NTRK3: variants seen among roughly 807,000 people sequenced by gnomAD.
The protein encoded by NTRK3 is neurotrophic receptor tyrosine kinase 3.
In NTRK3, 24 loss-of-function variants were observed where a neutral mutation model predicts 91.7. The observed-to-expected ratio is 0.26, with a 90% CI of 0.19 to 0.37. The LOEUF is 0.37. Among genes scored for constraint, NTRK3 ranks in the 10% least tolerant of loss-of-function variants. The pLI, the probability that NTRK3 is intolerant of heterozygous loss-of-function variation, is 1.00. For missense variants in NTRK3, 880 were observed against 1,068.9 expected, an observed-to-expected ratio of 0.82 and a Z score of 2.46; for synonymous variants, 483 against 404.0, an observed-to-expected ratio of 1.20 and a Z score of -2.34.
chr15:87,893,504 C>T (rs1414896595), intron 17 of NTRK3, among the ~76,000 whole-genome samples: 1 of 152,208 alleles, frequency 6.6e-6, no homozygotes, highest in Admixed American at 6.5e-5. Context: ...CACAGCTGTC[C>T]CTCCTCTTCT....
chr15:88,161,152 C>A (rs928065664), intron 5 of NTRK3, among the ~76,000 whole-genome samples: 3 of 152,192 alleles, frequency 2.0e-5, no homozygotes, highest in South Asian at 4.1e-4. Flanking sequence ...TCTTGGCCAG[C>A]TATCTTTAAG....
chr15:88,251,197 G>T (rs981743999), intron 3 of NTRK3, among the ~76,000 whole-genome samples: 1 of 152,228 alleles, frequency 6.6e-6, no homozygotes, highest in Non-Finnish European at 1.5e-5. Context: ...AGGAAGAGGA[G>T]AATAACCACT....
chr15:88,091,984 TA>T (rs2049058989), intron 13 of NTRK3, among the ~76,000 whole-genome samples: 1 of 152,232 alleles, frequency 6.6e-6, no homozygotes, highest in Admixed American at 6.5e-5. Flanking sequence ...GGCAGCATTT[TA>T]ATATTGGTAA....
At chr15:87,987,844 T>C (rs557883797) in intron 14 of NTRK3, among the ~76,000 whole-genome samples, 27 of 151,828 alleles carry the variant, frequency 1.8e-4, no homozygotes, top group Admixed American at 1.4e-3. Flanking sequence ...GACACTGCAC[T>C]CCAGCCTGGG....
chr15:87,934,047 T>C (rs1194724252), intron 15 of NTRK3, among the ~76,000 whole-genome samples: 2 of 152,192 alleles, frequency 1.3e-5, no homozygotes, highest in African/African-American at 4.8e-5. Context: ...CATGTGGATT[T>C]CCCAGCACCA....
chr15:88,108,358 A>G (rs2050941463), intron 13 of NTRK3, among the ~76,000 whole-genome samples: 1 of 152,210 alleles, frequency 6.6e-6, no homozygotes, highest in South Asian at 2.1e-4. Context: ...GACACACAGC[A>G]CAAAAGGAAG....
intron 13 of NTRK3, among the ~76,000 whole-genome samples, chr15:88,040,399 G>A (rs992071242): frequency 6.6e-6 from 1 of 152,132 alleles, no homozygotes. Context: ...GGTGACTCCA[G>A]GGAAAGTTCT....
intron 13 of NTRK3, among the ~76,000 whole-genome samples, chr15:88,120,772 T>A (rs1567456628): frequency 6.6e-6 from 1 of 152,222 alleles, no homozygotes; most frequent in Non-Finnish European, 1.5e-5. Context: ...GTATTCATAA[T>A]CCAGCTTCAT....
chr15:88,144,815 G>C (rs2042734748), intron 6 of NTRK3, among the ~76,000 whole-genome samples: 1 of 152,144 alleles, frequency 6.6e-6, no homozygotes. Context: ...TACTGGAAAA[G>C]TCATGGACAC....
chr15:88,024,319 G>A (rs2077841285), intron 14 of NTRK3, among the ~76,000 whole-genome samples: 1 of 152,210 alleles, frequency 6.6e-6, no homozygotes, highest in Non-Finnish European at 1.5e-5. Flanking sequence ...AGTTTTCCTA[G>A]GGAAAGAGAG....
chr15:87,907,366 GT>G (rs563079034), intron 17 of NTRK3, among the ~76,000 whole-genome samples: 67 of 152,228 alleles, frequency 4.4e-4, no homozygotes, highest in African/African-American at 1.5e-3. Context: ...CTTTCATGCT[GT>G]TATTAGGAGC....
At chr15:88,188,387 G>A (rs1428990075) in intron 3 of NTRK3, among the ~76,000 whole-genome samples, 2 of 152,140 alleles carry the variant, frequency 1.3e-5, no homozygotes, top group Non-Finnish European at 2.9e-5. Flanking sequence ...GTCACAGCTG[G>A]GGAAAGAGAG....
chr15:87,979,277 G>A (rs1446699849), intron 14 of NTRK3: 1 of 1,139,966 alleles, frequency 8.8e-7, no homozygotes, highest in Admixed American at 1.7e-5. Flanking sequence ...AATGCCTAGA[G>A]CTTCCAACCT....
At chr15:88,010,091 G>A (rs763881277) in intron 14 of NTRK3, among the ~76,000 whole-genome samples, 5 of 152,044 alleles carry the variant, frequency 3.3e-5, no homozygotes, top group Non-Finnish European at 7.4e-5. Flanking sequence ...CTGTTCTCTG[G>A]CCTGTTTTGG....
At chr15:87,940,574 G>A (rs2142016162) in intron 15 of NTRK3, 49 bp downstream of exon 15, 1 of 1,612,276 alleles carries the variant, frequency 6.2e-7, no homozygotes. Flanking sequence ...TCCCTCCCTG[G>A]GCCCTCAGCC....
intron 13 of NTRK3, chr15:88,098,469 T>A: frequency 4.9e-6 from 1 of 205,348 alleles, no homozygotes; most frequent in Non-Finnish European, 1.0e-5. Context: ...GCCTCGCGCA[T>A]GAGACATTAA....
intron 3 of NTRK3, among the ~76,000 whole-genome samples, chr15:88,239,362 C>G (rs555544559): frequency 6.6e-6 from 1 of 151,452 alleles, no homozygotes; most frequent in Admixed American, 6.5e-5. Flanking sequence ...ATGAACAGCT[C>G]TGAGTGCCAC....
intron 5 of NTRK3, among the ~76,000 whole-genome samples, chr15:88,169,386 T>C (rs111773413): frequency 0.014 from 2,080 of 152,280 alleles, 28 homozygotes; most frequent in Non-Finnish European, 0.018. Context: ...AGGACACTTG[T>C]ATGTAACAGA....
At chr15:88,208,472 C>A (rs2048973545) in intron 3 of NTRK3, among the ~76,000 whole-genome samples, 1 of 152,256 alleles carries the variant, frequency 6.6e-6, no homozygotes, top group African/African-American at 2.4e-5. Context: ...GCATGCAAAC[C>A]ACCTGGGCAT....
Sources: allele counts gnomAD v4.1 joint callset (sites outside exome capture counted in the v4.1 genomes callset), GRCh38; gene constraint gnomAD v4.1.1; transcripts MANE v1.5; gene names NCBI Gene and HGNC (gene_info 2026-07-23, HGNC 2026-07-21).